The following RASAL2 variants were observed in gnomAD, a reference collection of about 807,000 sequenced individuals.
The protein encoded by RASAL2 is RAS protein activator like 2.
A neutral mutation model predicts 128.9 loss-of-function variants in RASAL2; 58 were observed. The ratio of observed to expected loss-of-function variants is 0.45; its 90% CI spans 0.36 to 0.56. The LOEUF (loss-of-function observed/expected upper bound fraction) is 0.56, where lower values mean the gene tolerates loss of function less well. Ranked by LOEUF, RASAL2 falls within the 20% of genes least tolerant of loss-of-function variation. The probability of loss-of-function intolerance (pLI) is 0.00; values close to 1 mark genes in which losing one functional copy is unlikely to be tolerated. For synonymous variants in RASAL2, 561 were observed against 580.8 expected, an observed-to-expected ratio of 0.97 and a Z score of 0.49; for missense variants, 1,360 against 1,601.6, an observed-to-expected ratio of 0.85 and a Z score of 2.57.
At chr1:178,344,880 G>T (rs1224025876) in intron 3 of RASAL2, among the ~76,000 whole-genome samples, 5 of 152,110 alleles carry the variant, frequency 3.3e-5, no homozygotes, top group Admixed American at 3.3e-4. Context: ...TTTAGCCGGG[G>T]TTATTTTTAA....
intron 14 of RASAL2, among the ~76,000 whole-genome samples, chr1:178,458,836 GA>G (rs1397788536): frequency 6.6e-6 from 1 of 152,124 alleles, no homozygotes; most frequent in Non-Finnish European, 1.5e-5. Flanking sequence ...CTATGATGTT[GA>G]ATGAATAATT....
chr1:178,155,644 CT>C (rs760026348), intron 1 of RASAL2, among the ~76,000 whole-genome samples: 3,414 of 138,842 alleles, frequency 0.025, 94 homozygotes, highest in African/African-American at 0.074. Flanking sequence ...TCTTGCCAGT[CT>C]TTTTTTTTTT....
chr1:178,346,301 C>A (rs1670151218), intron 3 of RASAL2, among the ~76,000 whole-genome samples: 1 of 151,698 alleles, frequency 6.6e-6, no homozygotes, highest in Admixed American at 6.6e-5. Context: ...ACTCAGAAGG[C>A]TGAGGTAAGA....
At chr1:178,344,889 A>G (rs1306517685) in intron 3 of RASAL2, among the ~76,000 whole-genome samples, 1 of 152,192 alleles carries the variant, frequency 6.6e-6, no homozygotes, top group Non-Finnish European at 1.5e-5. Flanking sequence ...GGTTATTTTT[A>G]ACTGCTGATG....
At chr1:178,455,018 A>G (rs1677664462) in intron 12 of RASAL2, among the ~76,000 whole-genome samples, 2 of 152,112 alleles carry the variant, frequency 1.3e-5, no homozygotes, top group South Asian at 2.1e-4. Context: ...AAAAGTATAG[A>G]TTTAGCTAAG....
intron 1 of RASAL2, among the ~76,000 whole-genome samples, chr1:178,174,543 C>T (rs1004904967): frequency 6.6e-6 from 1 of 152,068 alleles, no homozygotes; most frequent in Non-Finnish European, 1.5e-5. Flanking sequence ...TTAATGGGTA[C>T]TTTTCTTATC....
intron 1 of RASAL2, among the ~76,000 whole-genome samples, chr1:178,279,652 T>C (rs2102202050): frequency 6.6e-6 from 1 of 152,298 alleles, no homozygotes; most frequent in Admixed American, 6.5e-5. Flanking sequence ...AGACTAATTA[T>C]GGTTATTCAG....
intron 1 of RASAL2, among the ~76,000 whole-genome samples, chr1:178,150,062 G>T (rs139836659): frequency 6.6e-6 from 1 of 152,040 alleles, no homozygotes; most frequent in African/African-American, 2.4e-5. Context: ...TTACTTCCTT[G>T]TCAATTCATT....
Position 178,094,507 on chromosome 1 carries a change from G to A in RASAL2, c.15G>A (p.Pro5=). 6.4e-7 allele frequency: 1 copy of A among 1,558,850 alleles called. No homozygotes were observed. The highest frequency in any genetic ancestry group is 1.9e-4 in the Middle Eastern group (1 of 5,196). MELS[P]SSGGAAEALS... is the part of the protein sequence containing the mutation. ...CTCGGGGCACCATGGAGCTCTCTCC[G>A]TCGTCCGGAGGAGCCGCGGAGGCGC... Residue 5 remains proline, a synonymous_variant, in exon 1 of 18, where the codon CCG becomes CCA. Transcript: ENST00000367649.
chr1:178,395,231 C>T (rs1219468977), intron 4 of RASAL2, among the ~76,000 whole-genome samples: 1 of 152,240 alleles, frequency 6.6e-6, no homozygotes, highest in East Asian at 1.9e-4. Context: ...GCCCAGTCTT[C>T]TGTATTTTTT....
chr1:178,319,123 C>T (rs532400992), intron 3 of RASAL2, among the ~76,000 whole-genome samples: 1 of 152,210 alleles, frequency 6.6e-6, no homozygotes, highest in African/African-American at 2.4e-5. Context: ...ATATTGGCCC[C>T]CACACTCTTC....
chr1:178,116,023 T>G (rs996356539), intron 1 of RASAL2, among the ~76,000 whole-genome samples: 1 of 152,178 alleles, frequency 6.6e-6, no homozygotes, highest in African/African-American at 2.4e-5. Context: ...GGAAGCATTT[T>G]TCTTCCAGGG....
chr1:178,374,236 G>A (rs1461076470), intron 3 of RASAL2, among the ~76,000 whole-genome samples: 4 of 152,246 alleles, frequency 2.6e-5, no homozygotes, highest in East Asian at 3.9e-4. Context: ...CGAGGATTAA[G>A]TAAAACCCTT....
In RASAL2 at chr1:178,168,786, C is replaced by G. The variant is rs576059818; in HGVS notation, c.202+74092C>G. Among the ~76,000 whole-genome samples, 9 of 152,228 alleles carry G rather than the reference C, an allele frequency of 5.9e-5. No homozygotes were observed. In the South Asian group the frequency reaches 1.2e-3, roughly 21 times the overall value. On this transcript the variant is annotated intron_variant, in intron 1 of 17. Coordinates refer to ENST00000367649, the MANE Select transcript of RASAL2 (RefSeq NM_170692.4). ...ACACAGCATGAACTCTTTATAGCCA[C>G]TCTTATTCCTGTTCTTTACTGTGTG...
intron 4 of RASAL2, among the ~76,000 whole-genome samples, chr1:178,415,184 C>T (rs1445004524): frequency 6.6e-6 from 1 of 151,736 alleles, no homozygotes. Flanking sequence ...TTCTTCTTTT[C>T]TAGTATATGC....
chr1:178,254,346 T>A (rs2102099524), intron 1 of RASAL2, among the ~76,000 whole-genome samples: 1 of 152,362 alleles, frequency 6.6e-6, no homozygotes, highest in Admixed American at 6.5e-5. Flanking sequence ...TCATATATCA[T>A]AACTGTAATT....
At chr1:178,292,312 A>G (rs1667315945) in intron 2 of RASAL2, among the ~76,000 whole-genome samples, 2 of 152,242 alleles carry the variant, frequency 1.3e-5, no homozygotes, top group South Asian at 4.1e-4. Flanking sequence ...TCACTCATGT[A>G]TTAAGTCAGT....
chr1:178,349,350 G>A (rs1033427634), intron 3 of RASAL2, among the ~76,000 whole-genome samples: 3 of 151,594 alleles, frequency 2.0e-5, no homozygotes, highest in South Asian at 2.1e-4. Flanking sequence ...ACTTGAACCC[G>A]GAGGCAGAGG....
chr1:178,350,379 C>T (rs1449450776), intron 3 of RASAL2, among the ~76,000 whole-genome samples: 2 of 152,182 alleles, frequency 1.3e-5, no homozygotes, highest in Admixed American at 1.3e-4. Flanking sequence ...TGTCACCACA[C>T]CTGGCTAATT....
Sources: allele counts gnomAD v4.1 joint callset (sites outside exome capture counted in the v4.1 genomes callset), GRCh38; gene constraint gnomAD v4.1.1; transcripts MANE v1.5; gene names NCBI Gene and HGNC (gene_info 2026-07-23, HGNC 2026-07-21).